Variants in MACO1 observed in about 807,000 individuals in gnomAD.
MACO1 encodes the protein macoilin.
A neutral mutation model predicts 78.7 loss-of-function variants in MACO1; 14 were observed. The observed-to-expected ratio is 0.18, with a 90% confidence interval of 0.12 to 0.28. The LOEUF (loss-of-function observed/expected upper bound fraction) is 0.28, where lower values mean the gene tolerates loss of function less well. Among genes scored for constraint, MACO1 ranks in the 10% least tolerant of loss-of-function variants. The probability of loss-of-function intolerance (pLI) is 1.00; values close to 1 mark genes in which losing one functional copy is unlikely to be tolerated. For synonymous variants in MACO1, 288 were observed against 291.6 expected (o/e 0.99, Z 0.12); for missense variants, 501 against 799.0 (o/e 0.63, Z 4.50).
intron 8 of MACO1, among the ~76,000 whole-genome samples, chr1:25,486,238 C>T (rs1373660004): frequency 5.3e-5 from 8 of 152,096 alleles, no homozygotes. Context: ...GTTGCCCAAG[C>T]ACTGTGTACT....
chr1:25,471,925 T>G (rs1378757726), intron 6 of MACO1, among the ~76,000 whole-genome samples: 1 of 152,168 alleles, frequency 6.6e-6, no homozygotes. Flanking sequence ...GGTGTAAGAA[T>G]TTCTGGAAGT....
Position 25,458,355 on chromosome 1 carries a change from G to A in MACO1, c.653-36G>A, listed in dbSNP as rs758385683. ...TTAAACAACTAAATATTCCGGTGGGGGCTTTTTGTTTGTTGGTTTGTTTTT... is the reference window on the plus strand; with the variant it reads ...TTAAACAACTAAATATTCCGGTGGGAGCTTTTTGTTTGTTGGTTTGTTTTT... On this transcript the variant is annotated intron_variant, in intron 5 of 10. Transcript: ENST00000374343. The A allele has an allele frequency of 4.7e-5, 72 of 1,536,472 alleles. No individual in the cohort carries two copies. The South Asian group carries it at 8.8e-4, about 19-fold the overall frequency.
At chr1:25,475,858 T>C (rs2043317616) in intron 6 of MACO1, among the ~76,000 whole-genome samples, 2 of 152,224 alleles carry the variant, frequency 1.3e-5, no homozygotes, top group Admixed American at 6.5e-5. Flanking sequence ...TATGTATGTT[T>C]TGTAGCTTTT....
chr1:25,486,278 C>CA (rs2043430203), intron 8 of MACO1, among the ~76,000 whole-genome samples: 1 of 151,624 alleles, frequency 6.6e-6, no homozygotes, highest in South Asian at 2.1e-4. Context: ...AGCAAACTGT[C>CA]AAATGAAATG....
intron 1 of MACO1, among the ~76,000 whole-genome samples, chr1:25,440,002 G>A (rs1325851974): frequency 4.2e-5 from 5 of 117,794 alleles, no homozygotes; most frequent in African/African-American, 1.1e-4. Flanking sequence ...TGGGCAACAA[G>A]CGAAACTCTG....
intron 6 of MACO1, among the ~76,000 whole-genome samples, chr1:25,472,469 G>GT (rs1479008143): frequency 6.6e-6 from 1 of 151,890 alleles, no homozygotes; most frequent in Non-Finnish European, 1.5e-5. Flanking sequence ...GCGGTGTTTG[G>GT]TTTTCTCTTC....
chr1:25,489,957 A>G (rs1443101098), intron 9 of MACO1, among the ~76,000 whole-genome samples: 1 of 152,232 alleles, frequency 6.6e-6, no homozygotes, highest in Non-Finnish European at 1.5e-5. Flanking sequence ...TTAGTCAGTA[A>G]AAGGCTTTGG....
intron 3 of MACO1, among the ~76,000 whole-genome samples, chr1:25,450,181 TA>T (rs999008843): frequency 6.6e-6 from 1 of 152,208 alleles, no homozygotes; most frequent in Non-Finnish European, 1.5e-5. Flanking sequence ...GACACTGTCA[TA>T]ACCTCTTAAG....
intron 6 of MACO1, among the ~76,000 whole-genome samples, chr1:25,481,602 A>G (rs2043378441): frequency 6.6e-6 from 1 of 152,182 alleles, no homozygotes; most frequent in African/African-American, 2.4e-5. Context: ...TTTTCAGCCA[A>G]ATTTCTCAAA....
chr1:25,494,560 G>C (rs906420465), intron 10 of MACO1, among the ~76,000 whole-genome samples: 4 of 152,250 alleles, frequency 2.6e-5, no homozygotes, highest in African/African-American at 7.2e-5. Flanking sequence ...ACTGTTAAGC[G>C]GGAAATCTCC....
chr1:25,487,393 T>C (rs2043443260), intron 8 of MACO1, among the ~76,000 whole-genome samples: 1 of 152,168 alleles, frequency 6.6e-6, no homozygotes, highest in South Asian at 2.1e-4. Flanking sequence ...CCTCAGGTGA[T>C]CTGCCCACCT....
chr1:25,451,603 A>G (rs1372105192), intron 3 of MACO1, among the ~76,000 whole-genome samples: 2 of 152,108 alleles, frequency 1.3e-5, no homozygotes, highest in Admixed American at 6.6e-5. Flanking sequence ...TTCCTCCTAC[A>G]TTGTGAAAAT....
chr1:25,466,767 T>C (rs2043223268), intron 6 of MACO1, among the ~76,000 whole-genome samples: 1 of 152,244 alleles, frequency 6.6e-6, no homozygotes. Context: ...GTGTCTTTTA[T>C]AGAGCAGAAA....
At chr1:25,473,920 T>A (rs1316136865) in intron 6 of MACO1, among the ~76,000 whole-genome samples, 1 of 152,134 alleles carries the variant, frequency 6.6e-6, no homozygotes, top group African/African-American at 2.4e-5. Flanking sequence ...CTTGTTAGAG[T>A]GTTCCAATAG....
At chr1:25,440,790 A>C (rs2042965446) in intron 1 of MACO1, among the ~76,000 whole-genome samples, 1 of 151,126 alleles carries the variant, frequency 6.6e-6, no homozygotes, top group South Asian at 2.1e-4. Flanking sequence ...AAAAAAGAAA[A>C]GTAACAATAA....
chr1:25,484,315 C>G, intron 7 of MACO1, 41 bp downstream of exon 7: 1 of 1,532,244 alleles, frequency 6.5e-7, no homozygotes, highest in Non-Finnish European at 8.8e-7. Flanking sequence ...AGCCCGGCAG[C>G]TTCACTGCTT....
chr1:25,461,177 C>G (rs1350498222), intron 6 of MACO1, among the ~76,000 whole-genome samples: 1 of 124,636 alleles, frequency 8.0e-6, no homozygotes, highest in African/African-American at 3.2e-5. Context: ...CACATGGACA[C>G]AGGAAGGGGA....
intron 4 of MACO1, 82 bp downstream of exon 4, chr1:25,454,464 G>GTATATCTATATA (rs1206688329): frequency 5.6e-6 from 1 of 178,144 alleles, no homozygotes; most frequent in Admixed American, 1.4e-4. Flanking sequence ...GTGTGTGTGT[G>GTATATCTATATA]TGTGTGTATA....
intron 10 of MACO1, among the ~76,000 whole-genome samples, chr1:25,496,262 G>A (rs372282938): frequency 2.0e-5 from 3 of 151,600 alleles, no homozygotes; most frequent in Admixed American, 2.0e-4. Context: ...ACCCTCCTGC[G>A]TCAGCCTTCT....
Sources: gnomAD v4.1 joint callset for allele counts (sites outside exome capture counted in the v4.1 genomes callset) on GRCh38, gnomAD v4.1.1 for gene constraint, MANE v1.5 for transcripts, NCBI Gene and HGNC (gene_info 2026-07-23, HGNC 2026-07-21) for gene names.